Variants in BRINP3 observed in about 807,000 individuals in gnomAD.
The protein encoded by BRINP3 is BMP/retinoic acid inducible neural specific 3, also known as BMP/retinoic acid-inducible neural-specific protein 3.
BRINP3 carries 19 observed loss-of-function variants against 71.0 expected under a neutral mutation model. The observed-to-expected ratio is 0.27, with a 90% CI of 0.19 to 0.39. The LOEUF (loss-of-function observed/expected upper bound fraction) is 0.39. BRINP3 is among the 10% of genes least tolerant of loss of function. The pLI is 1.00. For missense variants in BRINP3, 959 were observed against 940.8 expected (o/e 1.02, Z -0.25); for synonymous variants, 380 against 337.7 (o/e 1.13, Z -1.37).
At chr1:190,256,161 A>T (rs570352134) in intron 4 of BRINP3, among the ~76,000 whole-genome samples, 1 of 152,106 alleles carries the variant, frequency 6.6e-6, no homozygotes, top group African/African-American at 2.4e-5. Context: ...GTTCTTTTCC[A>T]TTTGCTGAGG....
At chr1:190,110,939 A>G (rs2102280351) in intron 7 of BRINP3, among the ~76,000 whole-genome samples, 1 of 152,218 alleles carries the variant, frequency 6.6e-6, no homozygotes, top group Admixed American at 6.5e-5. Flanking sequence ...CTATTTTATT[A>G]AAACTTTAAT....
intron 2 of BRINP3, chr1:190,362,384 CAT>C (rs1669205768): frequency 1.3e-5 from 2 of 152,080 alleles, no homozygotes; most frequent in Non-Finnish European, 2.9e-5. Flanking sequence ...AAAAAGAAAA[CAT>C]GTGTTTTGTA....
At chr1:190,254,120 G>GTA (rs1432945352) in intron 4 of BRINP3, among the ~76,000 whole-genome samples, 2 of 151,882 alleles carry the variant, frequency 1.3e-5, no homozygotes, top group Non-Finnish European at 2.9e-5. Flanking sequence ...TGTTCCATTG[G>GTA]TATATATATC....
At chr1:190,300,658 C>T (rs184438090) in intron 2 of BRINP3, among the ~76,000 whole-genome samples, 1 of 152,002 alleles carries the variant, frequency 6.6e-6, no homozygotes, top group Admixed American at 6.5e-5. Flanking sequence ...CACCCCCCAG[C>T]AGGGGCAGAC....
chr1:190,131,105 A>T (rs1267255342), intron 7 of BRINP3, among the ~76,000 whole-genome samples: 1 of 142,432 alleles, frequency 7.0e-6, no homozygotes, highest in Admixed American at 7.7e-5. Context: ...TATTATCCTC[A>T]TTTTATAGAT....
intron 7 of BRINP3, among the ~76,000 whole-genome samples, chr1:190,116,217 A>G (rs1653124689): frequency 6.6e-6 from 1 of 152,088 alleles, no homozygotes; most frequent in Non-Finnish European, 1.5e-5. Context: ...CCTGAAAAAT[A>G]CTAATTGAAA....
intron 6 of BRINP3, among the ~76,000 whole-genome samples, chr1:190,195,021 T>G (rs1654354458): frequency 6.6e-6 from 1 of 152,116 alleles, no homozygotes; most frequent in East Asian, 1.9e-4. Context: ...ATGCTTTCTT[T>G]CAACATGAAG....
chr1:190,452,009 T>C (rs751968780), intron 2 of BRINP3, among the ~76,000 whole-genome samples: 8 of 152,204 alleles, frequency 5.3e-5, no homozygotes, highest in Non-Finnish European at 1.0e-4. Flanking sequence ...ATGATAGTAA[T>C]AATAAGCACT....
intron 2 of BRINP3, among the ~76,000 whole-genome samples, chr1:190,436,849 G>A (rs551193732): frequency 6.6e-6 from 1 of 151,782 alleles, no homozygotes; most frequent in East Asian, 1.9e-4. Context: ...TGTATTTATT[G>A]AGCATATGTT....
chr1:190,256,993 T>C lies in BRINP3; in HGVS notation c.618+7872A>G, dbSNP rs533035960. 3.3e-5 allele frequency among the ~76,000 whole-genome samples: 5 copies of C among 152,288 alleles called. No homozygotes were observed. In the South Asian group the frequency reaches 1.0e-3, roughly 32 times the overall value. ...TGGTTGCTCTTCTAGAGGAGTATCT[T>C]TGTGGTGTTCTCTGTATTACCTGAA... On this transcript the variant is annotated intron_variant, in intron 4 of 7. Transcript: ENST00000367462.
At chr1:190,224,583 T>C (rs1447171371) in intron 6 of BRINP3, among the ~76,000 whole-genome samples, 1 of 151,964 alleles carries the variant, frequency 6.6e-6, no homozygotes, top group Non-Finnish European at 1.5e-5. Flanking sequence ...AAAGATTTTT[T>C]TGTTTGTAAA....
chr1:190,447,920 G>A (rs910389640), intron 2 of BRINP3, among the ~76,000 whole-genome samples: 9 of 151,530 alleles, frequency 5.9e-5, no homozygotes, highest in Non-Finnish European at 8.9e-5. Context: ...AAAAGTGAGA[G>A]GGAAAACCTA....
chr1:190,328,237 A>C (rs1666739754), intron 2 of BRINP3, among the ~76,000 whole-genome samples: 1 of 152,150 alleles, frequency 6.6e-6, no homozygotes, highest in Non-Finnish European at 1.5e-5. Context: ...TTGAGACCCA[A>C]AAATCCATTC....
At chr1:190,117,771 A>G (rs557595969) in intron 7 of BRINP3, among the ~76,000 whole-genome samples, 3 of 152,236 alleles carry the variant, frequency 2.0e-5, no homozygotes, top group African/African-American at 7.2e-5. Context: ...TAATCTAAAA[A>G]TAATTTTTTA....
intron 6 of BRINP3, among the ~76,000 whole-genome samples, chr1:190,189,402 T>C (rs1422963554): frequency 6.6e-6 from 1 of 152,134 alleles, no homozygotes; most frequent in Non-Finnish European, 1.5e-5. Flanking sequence ...GAACATTTTC[T>C]CTTTTGATGC....
chr1:190,164,495 T>C (rs1464338276), intron 6 of BRINP3, among the ~76,000 whole-genome samples: 2 of 152,160 alleles, frequency 1.3e-5, no homozygotes, highest in African/African-American at 2.4e-5. Context: ...TATATTACAA[T>C]TTATATTAAT....
chr1:190,300,890 G>A (rs1231552950), intron 2 of BRINP3, among the ~76,000 whole-genome samples: 4 of 151,958 alleles, frequency 2.6e-5, no homozygotes, highest in African/African-American at 7.3e-5. Flanking sequence ...CCAAAGGAAC[G>A]CAGTTCCTCA....
chr1:190,410,449 T>G (rs998448098), intron 2 of BRINP3, among the ~76,000 whole-genome samples: 1 of 152,050 alleles, frequency 6.6e-6, no homozygotes, highest in African/African-American at 2.4e-5. Context: ...AAGAAAGAGA[T>G]AAAAAATATT....
intron 2 of BRINP3, among the ~76,000 whole-genome samples, chr1:190,438,401 A>G (rs1415582360): frequency 1.3e-5 from 2 of 151,728 alleles, no homozygotes; most frequent in African/African-American, 2.4e-5. Context: ...TTCTCTCGAT[A>G]TATGTAAAAC....
Sources: allele counts gnomAD v4.1 joint callset (sites outside exome capture counted in the v4.1 genomes callset), GRCh38; gene constraint gnomAD v4.1.1; transcripts MANE v1.5; gene names NCBI Gene and HGNC (gene_info 2026-07-23, HGNC 2026-07-21).